The following POLN variants were observed in gnomAD, a reference collection of about 807,000 sequenced individuals.
The protein encoded by POLN is DNA polymerase nu.
POLN carries 108 observed loss-of-function variants against 113.5 expected under a neutral mutation model. The ratio of observed to expected loss-of-function variants is 0.95; its 90% CI spans 0.81 to 1.12. The LOEUF is 1.12. POLN is among the 50% of genes most tolerant of loss of function. The pLI, the probability that POLN is intolerant of heterozygous loss-of-function variation, is 0.00. For synonymous variants in POLN, 386 were observed against 391.5 expected, an observed-to-expected ratio of 0.99 and a Z score of 0.17; for missense variants, 1,097 against 1,077.1, an observed-to-expected ratio of 1.02 and a Z score of -0.26.
chr4:2,166,205 T>C (rs1271661640), intron 13 of POLN, among the ~76,000 whole-genome samples: 1 of 152,224 alleles, frequency 6.6e-6, no homozygotes, highest in Non-Finnish European at 1.5e-5. Context: ...AATTGGGTCC[T>C]TGTTCACCTC....
intron 7 of POLN, among the ~76,000 whole-genome samples, chr4:2,184,439 A>G (rs1733223025): frequency 6.6e-6 from 1 of 152,194 alleles, no homozygotes. Flanking sequence ...TCTTATATAC[A>G]GCCAAACTGA....
intron 20 of POLN, among the ~76,000 whole-genome samples, chr4:2,095,065 G>C (rs1410793275): frequency 6.6e-6 from 1 of 152,062 alleles, no homozygotes; most frequent in Non-Finnish European, 1.5e-5. Context: ...GATTCAGCAT[G>C]ACCCAGGGCC....
chr4:2,140,127 A>G (rs924359314), intron 16 of POLN: 3 of 152,240 alleles, frequency 2.0e-5, no homozygotes, highest in African/African-American at 7.2e-5. Context: ...CGCCCAGACT[A>G]CAGTGCAGTG....
chr4:2,170,899 A>T, intron 12 of POLN, 125 bp from the exon 13 acceptor site: 1 of 960,234 alleles, frequency 1.0e-6, no homozygotes, highest in Non-Finnish European at 1.6e-6. Context: ...CAACATGCTT[A>T]AATTCTCATT....
chr4:2,154,066 C>T (rs1412250764), intron 16 of POLN, among the ~76,000 whole-genome samples: 2 of 150,574 alleles, frequency 1.3e-5, no homozygotes, highest in South Asian at 2.1e-4. Flanking sequence ...GGCGTGGTGG[C>T]GGGTGCCTGT....
intron 19 of POLN, among the ~76,000 whole-genome samples, chr4:2,100,497 T>G (rs919387552): frequency 6.6e-6 from 1 of 152,240 alleles, no homozygotes; most frequent in Admixed American, 6.5e-5. Flanking sequence ...GAAGATGTGC[T>G]GTGCTCCTGG....
At chr4:2,209,023 G>A (rs1374695133) in intron 4 of POLN, among the ~76,000 whole-genome samples, 1 of 148,996 alleles carries the variant, frequency 6.7e-6, no homozygotes, top group African/African-American at 2.4e-5. Flanking sequence ...ACTGGCCCCT[G>A]TTCTGGGAAT....
intron 19 of POLN, among the ~76,000 whole-genome samples, chr4:2,098,953 G>T (rs1401371840): frequency 6.6e-6 from 1 of 152,064 alleles, no homozygotes; most frequent in Non-Finnish European, 1.5e-5. Flanking sequence ...CACTGAAGAG[G>T]TTAAGTCAAG....
chr4:2,091,172 G>A (rs969039620), intron 20 of POLN, among the ~76,000 whole-genome samples: 1 of 152,160 alleles, frequency 6.6e-6, no homozygotes, highest in South Asian at 2.1e-4. Flanking sequence ...ATTTTCCACA[G>A]TTTATAGTTG....
In POLN at chr4:2,208,216, T is replaced by C. The variant is rs763208132; in HGVS notation, c.485A>G (p.Asn162Ser). The C allele has an allele frequency of 6.3e-7, 1 of 1,593,358 alleles. No homozygotes were observed. The highest frequency in any genetic ancestry group is 1.1e-5 in the South Asian group (1 of 90,436). The change falls in exon 5 of 26, where the codon AAT (asparagine) becomes AGT (serine). Residue 162 changes from asparagine to serine, a missense_variant. Physicochemically the swap from Asn to Ser is conservative, Grantham distance 46 (BLOSUM62 1). Transcript: ENST00000511885. ...INLKRKHITYNNLSEKTSKQM... is the reference protein window; with the variant it reads ...INLKRKHITYSNLSEKTSKQM... ...TTTACTTGTTTTCTCTGACAAATTATTATATGTAATATGTTTTCTTTTAAG... is the reference window on the plus strand; with the variant it reads ...TTTACTTGTTTTCTCTGACAAATTACTATATGTAATATGTTTTCTTTTAAG...
At chr4:2,072,897 T>C in intron 25 of POLN, 71 bp downstream of exon 25, 2 of 1,531,566 alleles carry the variant, frequency 1.3e-6, no homozygotes, top group Middle Eastern at 1.9e-4. Context: ...CCTGGCTCTT[T>C]TGCCCTGGGG....
chr4:2,131,686 T>C (rs1371564215), intron 16 of POLN, among the ~76,000 whole-genome samples: 1 of 152,210 alleles, frequency 6.6e-6, no homozygotes, highest in African/African-American at 2.4e-5. Flanking sequence ...AAAATTCTGG[T>C]CTCTTTGATG....
chr4:2,078,473 CTTT>C (rs943435658), intron 23 of POLN: 1,128 of 527,704 alleles, frequency 2.1e-3, no homozygotes, highest in Middle Eastern at 4.5e-3. Context: ...TCTTCTTCTT[CTTT>C]TTTTTTTTTT....
chr4:2,156,577 C>A lies in POLN; in HGVS notation c.1731+211G>T, dbSNP rs559250628. The A allele has an allele frequency of 6.6e-4, 429 of 645,394 alleles. 5 individuals carry two copies. The East Asian group carries it at 0.012, about 18-fold the overall frequency. The allele number at this position is 645,394 out of a possible 1,614,324, so 40.0% of individuals were successfully genotyped here. ...CATGGGTTTCTGGGTGTGAAGCCCC[C>A]CTCTTGCTAACTCAGCACTTCATGA... On this transcript the variant is annotated intron_variant, in intron 16 of 25. Coordinates refer to ENST00000511885, the MANE Select transcript of POLN (RefSeq NM_181808.4).
rs1553895661 is a variant in POLN, at chr4:2,121,452, A to AAT, written c.1982+6659_1982+6660dup. Among the ~76,000 whole-genome samples the AAT allele has an allele frequency of 8.0e-4, 101 of 125,626 alleles. 2 individuals are homozygous for AAT. The highest frequency in any genetic ancestry group is 4.0e-3 in the Middle Eastern group (1 of 250). 82.4% of individuals were successfully genotyped at this position (125,626 alleles called of 152,430 possible). On this transcript the variant is annotated intron_variant, in intron 19 of 25. Coordinates refer to ENST00000511885, the MANE Select transcript of POLN (RefSeq NM_181808.4). ...TCTGTCTCAAAAAAAAAAAAAAAAAAATATATATATATATCCAGGGAAGCC... is the reference window on the plus strand; with the variant it reads ...TCTGTCTCAAAAAAAAAAAAAAAAAAATATATATATATATATCCAGGGAAGCC...
chr4:2,081,459 A>C, intron 22 of POLN, 174 bp downstream of exon 22: 1 of 668,766 alleles, frequency 1.5e-6, no homozygotes, highest in Non-Finnish European at 2.6e-6. Flanking sequence ...GTGTCCCCTC[A>C]TGCCTCCTGA....
chr4:2,120,854 G>T (rs937677892), intron 19 of POLN, among the ~76,000 whole-genome samples: 7 of 152,180 alleles, frequency 4.6e-5, no homozygotes, highest in Non-Finnish European at 1.0e-4. Context: ...CATGTCCATT[G>T]TCAATTTATA....
chr4:2,092,189 G>T (rs1225994932), intron 20 of POLN, among the ~76,000 whole-genome samples: 1 of 152,132 alleles, frequency 6.6e-6, no homozygotes, highest in Non-Finnish European at 1.5e-5. Context: ...CGAGCCCCTC[G>T]GGAACAGGCA....
intron 16 of POLN, among the ~76,000 whole-genome samples, chr4:2,135,112 A>G (rs1023071327): frequency 2.0e-5 from 3 of 152,224 alleles, no homozygotes; most frequent in African/African-American, 4.8e-5. Context: ...TGTATCACAC[A>G]TACAAGTCAC....
Sources: allele counts gnomAD v4.1 joint callset (sites outside exome capture counted in the v4.1 genomes callset), GRCh38; gene constraint gnomAD v4.1.1; transcripts MANE v1.5; gene names NCBI Gene and HGNC (gene_info 2026-07-23, HGNC 2026-07-21).